Variants in AGO2 observed in about 807,000 individuals in gnomAD.
AGO2 encodes the protein argonaute RISC catalytic component 2.
Under a neutral mutation model 102.3 loss-of-function variants are expected in AGO2, and 5 were observed. The observed-to-expected ratio is 0.05, with a 90% CI of 0.03 to 0.10. AGO2 has a LOEUF of 0.10. Ranked by LOEUF, AGO2 falls within the 10% of genes least tolerant of loss-of-function variation. AGO2 has a pLI of 1.00. For missense variants in AGO2, 541 were observed against 1,183.7 expected (o/e 0.46, Z 7.97); for synonymous variants, 449 against 473.1 (o/e 0.95, Z 0.66).
intron 2 of AGO2, among the ~76,000 whole-genome samples, chr8:140,573,212 C>T (rs955164450): frequency 3.3e-5 from 5 of 151,910 alleles, no homozygotes; most frequent in African/African-American, 4.8e-5. Context: ...TCTTGTTGCC[C>T]GGGCTGGAGT....
At chr8:140,535,616 A>G (rs765606746) in intron 16 of AGO2, 47 bp from the exon 17 acceptor site, 21 of 1,601,660 alleles carry the variant, frequency 1.3e-5, no homozygotes, top group Non-Finnish European at 1.8e-5. Flanking sequence ...GGACCGGCAG[A>G]GCCAAGCAGG....
rs200189809 is a variant in AGO2 at position 140,543,134 on chromosome 8, C to CA, written c.1839+1078dup. 9.5e-3 allele frequency among the ~76,000 whole-genome samples: 1,404 copies of CA among 147,290 alleles called. 25 individuals are homozygous for CA. Among genetic ancestry groups the CA allele is most frequent in the African/African-American group, 0.033 (1,325 of 40,072 alleles). On this transcript the variant is annotated intron_variant, in intron 14 of 18. Coordinates refer to ENST00000220592, the MANE Select transcript of AGO2 (RefSeq NM_012154.5). ...CCCGGGTGACAGTTACTCTGTCTCACAAAACAAAACAAAACAAAACAAAAA... is the reference window on the plus strand; with the variant it reads ...CCCGGGTGACAGTTACTCTGTCTCACAAAAACAAAACAAAACAAAACAAAAA...
intron 10 of AGO2, among the ~76,000 whole-genome samples, chr8:140,552,740 G>GCGCGCGCGCACA (rs111262864): frequency 8.1e-4 from 106 of 130,950 alleles, no homozygotes; most frequent in African/African-American, 2.8e-3. Context: ...GCGCGCGCGC[G>GCGCGCGCGCACA]CACACACACA....
the AGO2 span, among the ~76,000 whole-genome samples, chr8:140,640,836 C>T: frequency 6.6e-6 from 1 of 152,182 alleles, no homozygotes; most frequent in African/African-American, 2.4e-5. Flanking sequence ...TGTTCCTAAG[C>T]ATGATGTGAA....
intron 1 of AGO2, among the ~76,000 whole-genome samples, chr8:140,595,358 G>T (rs1201893800): frequency 6.6e-6 from 1 of 152,002 alleles, no homozygotes; most frequent in East Asian, 1.9e-4. Flanking sequence ...AAAACTTAAG[G>T]AAGAATTATA....
chr8:140,601,590 C>T (rs949273519), intron 1 of AGO2, among the ~76,000 whole-genome samples: 4 of 152,212 alleles, frequency 2.6e-5, no homozygotes, highest in Non-Finnish European at 5.9e-5. Flanking sequence ...GCAACCATGG[C>T]AGTCTGGGCT....
chr8:140,584,147 A>AC (rs2073607302), intron 2 of AGO2, among the ~76,000 whole-genome samples: 2 of 152,028 alleles, frequency 1.3e-5, no homozygotes, highest in African/African-American at 4.8e-5. Flanking sequence ...AAAAAAAAAA[A>AC]AAAAAACAAA....
intron 18 of AGO2, 45 bp from the exon 19 acceptor site, chr8:140,532,197 T>C (rs765315319): frequency 1.3e-6 from 2 of 1,567,724 alleles, no homozygotes; most frequent in Non-Finnish European, 1.8e-6. Flanking sequence ...GCAGCCTTAA[T>C]GCACGATGAG....
chr8:140,520,310 G>GA lies in AGO2; in HGVS notation c.*11733dup, dbSNP rs1168407762. 1 of 152,068 alleles carries GA rather than the reference G, an allele frequency of 6.6e-6. No individual in the cohort carries two copies. Among genetic ancestry groups the GA allele is most frequent in the Non-Finnish European group, 1.5e-5 (1 of 68,006 alleles). 9.4% of individuals were successfully genotyped at this position (152,068 alleles called of 1,614,324 possible). On this transcript the variant is annotated 3_prime_UTR_variant, in exon 19 of 19. Coordinates refer to ENST00000220592, the MANE Select transcript of AGO2 (RefSeq NM_012154.5). ...CATGTTAGGGGTTATGTAAGGAGGT[G>GA]AAAAAACACTATGCCAAACTTTTAG...
chr8:140,555,009 A>AAAAC (rs1193000966), intron 10 of AGO2, among the ~76,000 whole-genome samples: 5 of 152,320 alleles, frequency 3.3e-5, no homozygotes, highest in Middle Eastern at 3.4e-3. Flanking sequence ...TAAGACAAGA[A>AAAAC]AAACAAACAA....
At chr8:140,601,055 CCT>C (rs1409367387) in intron 1 of AGO2, among the ~76,000 whole-genome samples, 4 of 152,370 alleles carry the variant, frequency 2.6e-5, no homozygotes, top group South Asian at 2.1e-4. Context: ...ACCAGGGCCC[CCT>C]GTGTCCACAC....
chr8:140,550,666 G>C (rs1351867733), intron 11 of AGO2, among the ~76,000 whole-genome samples: 1 of 152,130 alleles, frequency 6.6e-6, no homozygotes, highest in Non-Finnish European at 1.5e-5. Context: ...ACCCAGGGTG[G>C]AGTGCAATGG....
intron 3 of AGO2, among the ~76,000 whole-genome samples, chr8:140,566,847 C>T (rs1166928740): frequency 2.0e-5 from 3 of 152,180 alleles, no homozygotes; most frequent in African/African-American, 4.8e-5. Flanking sequence ...CAGGAGTAGC[C>T]GGTCGCTGAG....
chr8:140,570,450 G>A lies in AGO2; in HGVS notation c.336+2362C>T, dbSNP rs552336661. Among the ~76,000 whole-genome samples, 42 of 152,014 alleles carry A rather than the reference G, an allele frequency of 2.8e-4. No individual in the cohort carries two copies. In the South Asian group the frequency reaches 8.5e-3, roughly 31 times the overall value. Reference sequence around the variant, plus strand: ...TAGTCATGTTGGCCAGGCTGGTCTCGTACTCCTGGCCTCAAGTGATCCGCC... The same window carrying A: ...TAGTCATGTTGGCCAGGCTGGTCTCATACTCCTGGCCTCAAGTGATCCGCC... On this transcript the variant is annotated intron_variant, in intron 3 of 18. Coordinates refer to ENST00000220592, the MANE Select transcript of AGO2 (RefSeq NM_012154.5).
intron 13 of AGO2, 70 bp downstream of exon 13, chr8:140,547,398 T>C (rs2292782): frequency 0.56 from 868,804 of 1,563,096 alleles, 246,719 homozygotes; most frequent in African/African-American, 0.87. Context: ...CCCTGCATAC[T>C]GCACCCCACC....
chr8:140,628,466 G>A (rs1170959777), intron 1 of AGO2, among the ~76,000 whole-genome samples: 1 of 152,218 alleles, frequency 6.6e-6, no homozygotes, highest in Non-Finnish European at 1.5e-5. Flanking sequence ...CTGTGCATCT[G>A]CATAATATTC....
At chr8:140,624,977 C>G (rs1194310639) in intron 1 of AGO2, among the ~76,000 whole-genome samples, 1 of 152,216 alleles carries the variant, frequency 6.6e-6, no homozygotes, top group African/African-American at 2.4e-5. Flanking sequence ...ATGCCCTCCA[C>G]TGGGACCATC....
intron 1 of AGO2, among the ~76,000 whole-genome samples, chr8:140,626,005 C>G (rs373735526): frequency 1.1e-4 from 17 of 152,208 alleles, no homozygotes; most frequent in Non-Finnish European, 2.4e-4. Flanking sequence ...CAAGGTGCGC[C>G]CAGCAAGGCC....
At position 140,520,476 on chromosome 8, in the gene AGO2, G is replaced by A. The variant is rs1273730969; in HGVS notation, c.*11568C>T. ...AAAGGACCCAGCTAAGCTTAAACAC[G>A]ACAATAGATGCTCAGTTTCTCAGCA... On this transcript the variant is annotated 3_prime_UTR_variant, in exon 19 of 19. Coordinates refer to ENST00000220592, the MANE Select transcript of AGO2 (RefSeq NM_012154.5). 2 of 152,122 alleles carry A rather than the reference G, an allele frequency of 1.3e-5. No individual in the cohort carries two copies. The highest frequency in any genetic ancestry group is 1.5e-5 in the Non-Finnish European group (1 of 68,018). 9.4% of individuals were successfully genotyped at this position (152,122 alleles called of 1,614,324 possible). A position where few individuals can be genotyped will look rare whatever the true frequency, so the allele number is the denominator to read the frequency against.
Sources: allele counts gnomAD v4.1 joint callset (sites outside exome capture counted in the v4.1 genomes callset), GRCh38; gene constraint gnomAD v4.1.1; transcripts MANE v1.5; gene names NCBI Gene and HGNC (gene_info 2026-07-23, HGNC 2026-07-21).